The following PACRG variants were observed in gnomAD, a reference collection of about 807,000 sequenced individuals.
The protein encoded by PACRG is parkin coregulated gene protein.
In PACRG, 29 loss-of-function variants were observed where a neutral mutation model predicts 29.7. That is an observed-to-expected ratio of 0.98 (90% confidence interval 0.73 to 1.33). PACRG has a LOEUF of 1.33. Ranked by LOEUF, PACRG falls within the 40% of genes most tolerant of loss-of-function variation. The pLI, the probability that PACRG is intolerant of heterozygous loss-of-function variation, is 0.00. For synonymous variants in PACRG, 116 were observed against 118.7 expected (o/e 0.98, Z 0.15); for missense variants, 279 against 316.2 (o/e 0.88, Z 0.89).
intron 4 of PACRG, among the ~76,000 whole-genome samples, chr6:163,225,798 T>G (rs911704891): frequency 3.9e-5 from 6 of 152,134 alleles, no homozygotes; most frequent in African/African-American, 1.4e-4. Context: ...AGCCAAGACA[T>G]GGAATCAACC....
chr6:163,219,654 C>G (rs968162714), intron 4 of PACRG, among the ~76,000 whole-genome samples: 1 of 143,264 alleles, frequency 7.0e-6, no homozygotes, highest in Non-Finnish European at 1.5e-5. Flanking sequence ...CTCAGCCTGC[C>G]TTTCCCACCT....
chr6:162,751,867 T>G (rs913407691), intron 1 of PACRG, among the ~76,000 whole-genome samples: 4 of 152,178 alleles, frequency 2.6e-5, no homozygotes, highest in Admixed American at 2.6e-4. Flanking sequence ...CCAAAATGCT[T>G]CTCTCCAGAA....
chr6:163,083,460 T>TA (rs1050333995), intron 3 of PACRG, among the ~76,000 whole-genome samples: 10 of 152,164 alleles, frequency 6.6e-5, no homozygotes, highest in Non-Finnish European at 1.5e-4. Flanking sequence ...CATGTCTCCA[T>TA]AAAATGTATA....
At chr6:163,263,832 C>A (rs1361180392) in intron 4 of PACRG, among the ~76,000 whole-genome samples, 1 of 152,122 alleles carries the variant, frequency 6.6e-6, no homozygotes, top group Non-Finnish European at 1.5e-5. Context: ...ACTGCTAACA[C>A]GGATAAATAA....
chr6:163,260,599 T>C (rs1249047955), intron 4 of PACRG, among the ~76,000 whole-genome samples: 1 of 152,178 alleles, frequency 6.6e-6, no homozygotes, highest in African/African-American at 2.4e-5. Flanking sequence ...TGCAAATGTC[T>C]TCTGAGGCTG....
intron 4 of PACRG, among the ~76,000 whole-genome samples, chr6:163,252,240 G>T (rs982377674): frequency 5.3e-5 from 8 of 152,264 alleles, no homozygotes; most frequent in African/African-American, 1.9e-4. Flanking sequence ...CTGTGAGCAC[G>T]CCCTCTGCAC....
chr6:163,241,497 C>T (rs1192204152), intron 4 of PACRG, among the ~76,000 whole-genome samples: 1 of 152,182 alleles, frequency 6.6e-6, no homozygotes, highest in East Asian at 1.9e-4. Flanking sequence ...CTCCAGGAGC[C>T]CTCATACCCT....
At chr6:162,922,199 C>T (rs1451752118) in intron 2 of PACRG, among the ~76,000 whole-genome samples, 1 of 150,390 alleles carries the variant, frequency 6.6e-6, no homozygotes, top group East Asian at 2.0e-4. Flanking sequence ...GGAGCAGTGC[C>T]TGGGGGGTCT....
At chr6:162,735,890 G>A (rs1780129210) in intron 1 of PACRG, among the ~76,000 whole-genome samples, 1 of 152,164 alleles carries the variant, frequency 6.6e-6, no homozygotes, top group South Asian at 2.1e-4. Flanking sequence ...GATTGGAAAT[G>A]AAATAGAATA....
At chr6:163,254,250 A>G (rs1416953468) in intron 4 of PACRG, among the ~76,000 whole-genome samples, 1 of 152,198 alleles carries the variant, frequency 6.6e-6, no homozygotes, top group Admixed American at 6.5e-5. Context: ...TTTTCTGTGG[A>G]TCGCAAGAGT....
At chr6:163,172,377 A>T (rs1779127545) in intron 4 of PACRG, among the ~76,000 whole-genome samples, 1 of 152,178 alleles carries the variant, frequency 6.6e-6, no homozygotes, top group Non-Finnish European at 1.5e-5. Context: ...TAATTATTTT[A>T]ATTGCCAGAA....
At chr6:163,228,771 G>A (rs182805231) in intron 4 of PACRG, among the ~76,000 whole-genome samples, 50 of 152,304 alleles carry the variant, frequency 3.3e-4, no homozygotes, top group Admixed American at 3.9e-4. Flanking sequence ...CTCTAGCACA[G>A]TGACCAACAT....
At chr6:162,820,150 G>A (rs1384152992) in intron 2 of PACRG, among the ~76,000 whole-genome samples, 1 of 152,140 alleles carries the variant, frequency 6.6e-6, no homozygotes, top group African/African-American at 2.4e-5. Flanking sequence ...TGTTGCACTT[G>A]AACACCCAAG....
intron 2 of PACRG, among the ~76,000 whole-genome samples, chr6:162,859,696 G>C (rs1233356791): frequency 6.6e-6 from 1 of 152,158 alleles, no homozygotes; most frequent in African/African-American, 2.4e-5. Flanking sequence ...GAACAGAAAG[G>C]CCAAGAAGAA....
intron 2 of PACRG, among the ~76,000 whole-genome samples, chr6:162,846,855 T>C (rs952622168): frequency 4.0e-5 from 6 of 149,694 alleles, no homozygotes; most frequent in African/African-American, 1.5e-4. Flanking sequence ...CACACTGTGA[T>C]GCTCCCCATG....
At chr6:162,947,321 A>ATGATC (rs1562765406) in intron 2 of PACRG, among the ~76,000 whole-genome samples, 2 of 49,968 alleles carry the variant, frequency 4.0e-5, no homozygotes, top group African/African-American at 1.1e-4. Context: ...AATCATATAT[A>ATGATC]ATACATATAA....
chr6:163,046,367 TCTTA>T (rs1419150313), intron 2 of PACRG, among the ~76,000 whole-genome samples: 2 of 150,388 alleles, frequency 1.3e-5, no homozygotes, highest in Non-Finnish European at 1.5e-5. Context: ...TCACTTGAAA[TCTTA>T]CTTAACTTTT....
At chr6:163,236,855 T>G (rs1782259299) in intron 4 of PACRG, among the ~76,000 whole-genome samples, 1 of 152,174 alleles carries the variant, frequency 6.6e-6, no homozygotes, top group African/African-American at 2.4e-5. Flanking sequence ...TCAGGAAACT[T>G]ACAATCATGG....
chr6:163,115,093 T>C (rs1257725567), intron 4 of PACRG, among the ~76,000 whole-genome samples: 1 of 152,202 alleles, frequency 6.6e-6, no homozygotes, highest in Non-Finnish European at 1.5e-5. Flanking sequence ...TAATCAACCA[T>C]TGAAACTGTT....
Sources: allele counts gnomAD v4.1 joint callset (sites outside exome capture counted in the v4.1 genomes callset), GRCh38; gene constraint gnomAD v4.1.1; transcripts MANE v1.5; gene names NCBI Gene and HGNC (gene_info 2026-07-23, HGNC 2026-07-21).